The following RAD50 variants were observed in gnomAD, a reference collection of about 807,000 sequenced individuals.
RAD50 encodes the protein RAD50 double strand break repair protein.
A neutral mutation model predicts 168.8 loss-of-function variants in RAD50; 132 were observed. The ratio of observed to expected loss-of-function variants is 0.78; its 90% CI spans 0.68 to 0.90. The LOEUF is 0.90. RAD50 is among the 40% of genes least tolerant of loss of function. The pLI is 0.00. For missense variants in RAD50, 1,347 were observed against 1,534.4 expected, an observed-to-expected ratio of 0.88 and a Z score of 2.04; for synonymous variants, 525 against 497.4, an observed-to-expected ratio of 1.06 and a Z score of -0.74.
In RAD50 at chr5:132,588,769, A is replaced by G. The variant is rs1228530794; in HGVS notation, c.1134A>G (p.Leu378=). ...TAATTCAGTCTTTGGCAACACAGCT[A>G]GAATTGGATGGCTTTGAGCGTGGAC... is the stretch of plus-strand genomic sequence containing the variant. ...DSLIQSLATQ[L]ELDGFERGPF... is the part of the protein sequence containing the mutation. Residue 378 remains leucine, a synonymous_variant, in exon 8 of 25, where the codon CTA becomes CTG. Transcript: ENST00000378823. The G allele has an allele frequency of 6.2e-7, 1 of 1,614,008 alleles. No homozygotes were observed. The highest frequency in any genetic ancestry group is 1.1e-5 in the South Asian group (1 of 91,078).
intron 17 of RAD50, among the ~76,000 whole-genome samples, 156 bp from the exon 18 acceptor site, chr5:132,608,961 A>G (rs1304207922): frequency 2.6e-5 from 4 of 152,342 alleles, no homozygotes; most frequent in East Asian, 1.9e-4. Flanking sequence ...ATCAATTCCT[A>G]TAGGTGAGAA....
rs112362775 is a variant in RAD50 at position 132,596,373 on chromosome 5, G to A, written c.2207+563G>A. On this transcript the variant is annotated intron_variant, in intron 13 of 24. Transcript: ENST00000378823. ...ATGTGTGTTTAATTCCCAAGACTTA[G>A]CTTGTGGGCATAGATTTTCACAGAT... Among the ~76,000 whole-genome samples, 1,061 of 152,256 alleles carry A rather than the reference G, an allele frequency of 7.0e-3. 15 individuals are homozygous for A. Among genetic ancestry groups the A allele is most frequent in the African/African-American group, 0.023 (970 of 41,538 alleles).
intron 12 of RAD50, chr5:132,595,318 G>T: frequency 3.8e-6 from 2 of 531,198 alleles, no homozygotes; most frequent in Non-Finnish European, 6.5e-6. Context: ...ACAGTGCCTG[G>T]CACATAGAAA....
At chr5:132,588,948 T>C in intron 8 of RAD50, 68 bp downstream of exon 8, 1 of 1,502,958 alleles carries the variant, frequency 6.7e-7, no homozygotes, top group South Asian at 1.2e-5. Context: ...ATTGTTTTAA[T>C]TTTTGGTTGG....
intron 10 of RAD50, 128 bp downstream of exon 10, chr5:132,591,534 G>C: frequency 1.1e-6 from 1 of 906,466 alleles, no homozygotes; most frequent in East Asian, 2.6e-5. Flanking sequence ...AGTGAGCTTA[G>C]TACTCTATAT....
rs1212947031 is a variant in RAD50 at position 132,613,647 on chromosome 5, A to G, written c.3037-2356A>G. On this transcript the variant is annotated intron_variant, in intron 19 of 24. Coordinates refer to ENST00000378823, the MANE Select transcript of RAD50 (RefSeq NM_005732.4). ...TAGATGGAGTCTTGCTCTCTCACCC[A>G]GGCTGGAGTGCAGTGGCACAATCTC... Among the ~76,000 whole-genome samples the G allele has an allele frequency of 2.2e-5, 3 of 134,194 alleles. No individual in the cohort carries two copies. The Admixed American group carries it at 2.5e-4, about 11-fold the overall frequency. 88.0% of individuals were successfully genotyped at this position (134,194 alleles called of 152,430 possible).
rs1325992515 is a variant in RAD50, at chr5:132,638,237, A to G, written c.3618+14A>G. The G allele has an allele frequency of 6.2e-7, 1 of 1,614,074 alleles. No homozygotes were observed. On this transcript the variant is annotated intron_variant, in intron 23 of 24. Transcript: ENST00000378823. ...GCTGGACAAAAGGCAGGTATCTCAA[A>G]AGCCTGGGGAGCCAACTCACCCAAG...
At position 132,565,975 on chromosome 5, in the gene RAD50, A is replaced by G. The variant is rs114903912; in HGVS notation, c.213+6608A>G. ...TCTAGGCTGAGTTATAGGTGCCTTA[A>G]CCTTCAGCTGGCATGAACACGCACC... is the stretch of plus-strand genomic sequence containing the variant. On this transcript the variant is annotated intron_variant, in intron 2 of 24. Transcript: ENST00000378823. 3.6e-3 allele frequency among the ~76,000 whole-genome samples: 552 copies of G among 152,294 alleles called. 4 individuals are homozygous for G. The highest frequency in any genetic ancestry group is 0.011 in the African/African-American group (465 of 41,572).
At chr5:132,604,376 C>G (rs556840104) in intron 15 of RAD50, among the ~76,000 whole-genome samples, 1 of 151,804 alleles carries the variant, frequency 6.6e-6, no homozygotes, top group Admixed American at 6.6e-5. Context: ...AGTGATTCTC[C>G]TGCCTCACCC....
At chr5:132,637,256 C>G (rs1336624734) in intron 22 of RAD50, 56 bp downstream of exon 22, 11 of 1,573,030 alleles carry the variant, frequency 7.0e-6, no homozygotes, top group Non-Finnish European at 9.5e-6. Flanking sequence ...CGCAGCTCTT[C>G]CCCTTATGAC....
At chr5:132,576,004 C>T in intron 3 of RAD50, 76 bp downstream of exon 3, 2 of 1,398,266 alleles carry the variant, frequency 1.4e-6, no homozygotes, top group Non-Finnish European at 1.9e-6. Flanking sequence ...TTGTTTTCTA[C>T]TATAAGTTTA....
At chr5:132,591,728 CT>C (rs1424008841) in intron 10 of RAD50, 148 bp from the exon 11 acceptor site, 1 of 652,850 alleles carries the variant, frequency 1.5e-6, no homozygotes, top group African/African-American at 1.9e-5. Context: ...CACTTGAAGA[CT>C]TTAAGAACTT....
intron 3 of RAD50, among the ~76,000 whole-genome samples, chr5:132,576,919 T>A (rs1451350475): frequency 6.6e-6 from 1 of 152,254 alleles, no homozygotes; most frequent in African/African-American, 2.4e-5. Context: ...GTATCTTAGA[T>A]GTTGTCAAGG....
Position 132,604,053 on chromosome 5 carries a change from C to T in RAD50, c.2524+7C>T, listed in dbSNP as rs1168059375. 1 of 1,613,104 alleles carries T rather than the reference C, an allele frequency of 6.2e-7. No individual in the cohort carries two copies. On this transcript the variant is annotated splice_region_variant and intron_variant, in intron 15 of 24. Transcript: ENST00000378823. ...CAGCACAAGTTAGACACAGGTAATA[C>T]AGTCTGTGTCCTTCTGTACTCATAG...
At position 132,619,834 on chromosome 5, in the gene RAD50, CTCTA is replaced by C. The variant is rs1489362460; in HGVS notation, c.3389+1542_3389+1545del. Among the ~76,000 whole-genome samples, 351 of 117,098 alleles carry C rather than the reference CTCTA, an allele frequency of 3.0e-3. 4 individuals are homozygous for C. Among genetic ancestry groups the C allele is most frequent in the Middle Eastern group, 0.017 (4 of 242 alleles). The allele number at this position is 117,098 out of a possible 152,430, so 76.8% of individuals were successfully genotyped here. A position where few individuals can be genotyped will look rare whatever the true frequency, so the allele number is the denominator to read the frequency against. On this transcript the variant is annotated intron_variant, in intron 21 of 24. Coordinates refer to ENST00000378823, the MANE Select transcript of RAD50 (RefSeq NM_005732.4). ...TCTACTCCTCTCTCTCTCTCTCTCT[CTCTA>C]TATATATATATATAAAGATATATAT...
intron 2 of RAD50, among the ~76,000 whole-genome samples, chr5:132,573,959 A>G (rs749854174): frequency 1.3e-5 from 2 of 152,198 alleles, no homozygotes; most frequent in Non-Finnish European, 2.9e-5. Context: ...TGCAGGGTAT[A>G]GCCTCCTTCC....
intron 19 of RAD50, among the ~76,000 whole-genome samples, chr5:132,609,978 G>A (rs545849573): frequency 1.3e-5 from 2 of 151,678 alleles, no homozygotes; most frequent in African/African-American, 4.8e-5. Flanking sequence ...TCTTAAAGAA[G>A]TTTTTTATTC....
intron 3 of RAD50, among the ~76,000 whole-genome samples, chr5:132,578,202 C>T (rs1159742085): frequency 2.0e-5 from 3 of 152,220 alleles, no homozygotes; most frequent in Non-Finnish European, 4.4e-5. Context: ...TTTGACCTCC[C>T]CCCTTAAAAA....
intron 21 of RAD50, chr5:132,630,457 T>C (rs1415965988): frequency 1.3e-5 from 2 of 152,214 alleles, no homozygotes; most frequent in Non-Finnish European, 2.9e-5. Flanking sequence ...CGAGGGGAGC[T>C]TCAGATGAGG....
Sources: allele counts gnomAD v4.1 joint callset (sites outside exome capture counted in the v4.1 genomes callset), GRCh38; gene constraint gnomAD v4.1.1; transcripts MANE v1.5; gene names NCBI Gene and HGNC (gene_info 2026-07-23, HGNC 2026-07-21).